Variants in FAF1 observed in about 807,000 individuals in gnomAD.
FAF1 encodes the protein Fas associated factor 1, also known as FAS-associated factor 1.
A neutral mutation model predicts 92.5 loss-of-function variants in FAF1; 25 were observed. The observed-to-expected ratio is 0.27, with a 90% confidence interval of 0.20 to 0.38. The LOEUF is 0.38. Ranked by LOEUF, FAF1 falls within the 10% of genes least tolerant of loss-of-function variation. FAF1 has a pLI of 1.00. For synonymous variants in FAF1, 234 were observed against 273.2 expected (o/e 0.86, Z 1.42); for missense variants, 636 against 793.3 (o/e 0.80, Z 2.38).
At position 50,692,241 on chromosome 1, in the gene FAF1, C is replaced by CTCTGTGTG. The variant is rs1403550926; in HGVS notation, c.657+13544_657+13545insCACACAGA. Among the ~76,000 whole-genome samples the CTCTGTGTG allele has an allele frequency of 2.5e-3, 328 of 129,074 alleles. 1 individual carries two copies. Among genetic ancestry groups the CTCTGTGTG allele is most frequent in the African/African-American group, 9.1e-3 (316 of 34,690 alleles). 84.7% of individuals were successfully genotyped at this position (129,074 alleles called of 152,430 possible). ...ACATATCCAGCACTTGAAGTATTTA[C>CTCTGTGTG]TGTGTGTGTGTGTGTGTGTGTGTGT... On this transcript the variant is annotated intron_variant, in intron 7 of 18. Transcript: ENST00000396153.
At chr1:50,802,664 TA>T (rs1370276946) in intron 2 of FAF1, among the ~76,000 whole-genome samples, 1 of 152,148 alleles carries the variant, frequency 6.6e-6, no homozygotes, top group East Asian at 1.9e-4. Context: ...TACTGCAGGG[TA>T]ACAGAGAATA....
chr1:50,574,554 C>G (rs1650620768), intron 12 of FAF1, among the ~76,000 whole-genome samples: 1 of 152,284 alleles, frequency 6.6e-6, no homozygotes, highest in African/African-American at 2.4e-5. Flanking sequence ...GCCTGTTAAA[C>G]AAGCATGACA....
chr1:50,614,136 C>G (rs1434873699), intron 8 of FAF1, among the ~76,000 whole-genome samples: 3 of 151,548 alleles, frequency 2.0e-5, no homozygotes, highest in Non-Finnish European at 2.9e-5. Flanking sequence ...AACCAAGAGA[C>G]AAAAATGGGA....
At chr1:50,452,709 A>T (rs533831416) in intron 18 of FAF1, among the ~76,000 whole-genome samples, 19 of 152,348 alleles carry the variant, frequency 1.2e-4, no homozygotes, top group Admixed American at 1.2e-3. Context: ...AAGCCTTCTG[A>T]GAGATCCTGA....
intron 2 of FAF1, among the ~76,000 whole-genome samples, chr1:50,835,229 G>A (rs1040230330): frequency 6.6e-6 from 1 of 152,168 alleles, no homozygotes; most frequent in Admixed American, 6.5e-5. Flanking sequence ...CAACAGCACA[G>A]AAGCTTAACT....
chr1:50,805,089 G>A (rs1243247552), intron 2 of FAF1, among the ~76,000 whole-genome samples: 1 of 152,082 alleles, frequency 6.6e-6, no homozygotes, highest in Non-Finnish European at 1.5e-5. Flanking sequence ...CTCTATAATA[G>A]GAAAATGATA....
chr1:50,587,967 T>C (rs1483436384), intron 9 of FAF1, among the ~76,000 whole-genome samples: 1 of 152,180 alleles, frequency 6.6e-6, no homozygotes, highest in Non-Finnish European at 1.5e-5. Context: ...ACCAACTACC[T>C]ATTATGTCAA....
chr1:50,548,841 G>A (rs1336845041), intron 13 of FAF1, among the ~76,000 whole-genome samples: 1 of 152,234 alleles, frequency 6.6e-6, no homozygotes, highest in Middle Eastern at 3.2e-3. Flanking sequence ...AAAGACTATG[G>A]AGTCGAACAA....
intron 18 of FAF1, among the ~76,000 whole-genome samples, chr1:50,442,995 C>A (rs1646187502): frequency 6.6e-6 from 1 of 152,164 alleles, no homozygotes; most frequent in Non-Finnish European, 1.5e-5. Flanking sequence ...GAGGGGCAAG[C>A]TGCTGGCAAA....
intron 1 of FAF1, among the ~76,000 whole-genome samples, chr1:50,918,590 CATT>C (rs1306879796): frequency 5.3e-5 from 2 of 37,596 alleles, no homozygotes; most frequent in Non-Finnish European, 1.0e-4. Context: ...TCCAGTCTAT[CATT>C]GTTGGACATT....
In FAF1 at chr1:50,531,217, A is replaced by G. The variant is rs916731020; in HGVS notation, c.1494+4152T>C. On this transcript the variant is annotated intron_variant, in intron 15 of 18. Transcript: ENST00000396153. ...CTTGAAATCTGCCCTGATCTCCAAC[A>G]TCTGGATTGTGATAATTACCGAGCT... 5.3e-5 allele frequency among the ~76,000 whole-genome samples: 8 copies of G among 152,178 alleles called. No individual in the cohort carries two copies. In the South Asian group the frequency reaches 1.2e-3, roughly 24 times the overall value.
intron 2 of FAF1, among the ~76,000 whole-genome samples, chr1:50,826,424 C>T (rs1644098541): frequency 1.3e-5 from 2 of 152,096 alleles, no homozygotes; most frequent in African/African-American, 4.8e-5. Flanking sequence ...GTGGCACACA[C>T]CTGTCATCCC....
chr1:50,531,618 T>G lies in FAF1; in HGVS notation c.1494+3751A>C, dbSNP rs983356500. 2.6e-5 allele frequency among the ~76,000 whole-genome samples: 4 copies of G among 152,160 alleles called. No individual in the cohort carries two copies. The South Asian group carries it at 8.3e-4, about 32-fold the overall frequency. On this transcript the variant is annotated intron_variant, in intron 15 of 18. Coordinates refer to ENST00000396153, the MANE Select transcript of FAF1 (RefSeq NM_007051.3). ...GTCCCAAGGACCTCATCCAGTGATA[T>G]GTACTTGGTAGGTACTTTGTAAACC...
chr1:50,678,825 G>A (rs1388979553), intron 7 of FAF1, among the ~76,000 whole-genome samples: 1 of 124,596 alleles, frequency 8.0e-6, no homozygotes, highest in Admixed American at 9.6e-5. Flanking sequence ...GGTGGCTCAC[G>A]CCTGTAATCC....
intron 5 of FAF1, among the ~76,000 whole-genome samples, chr1:50,740,027 A>AT (rs5774092): frequency 0.47 from 71,498 of 151,920 alleles, 19,062 homozygotes; most frequent in African/African-American, 0.72. Context: ...AAATGCACTT[A>AT]TCAACAGATA....
chr1:50,713,939 T>A (rs1009730187), intron 6 of FAF1, among the ~76,000 whole-genome samples: 5 of 151,058 alleles, frequency 3.3e-5, no homozygotes, highest in African/African-American at 1.2e-4. Flanking sequence ...CCCAGCTAAT[T>A]TTTTTGTATT....
intron 18 of FAF1, among the ~76,000 whole-genome samples, chr1:50,453,991 A>G (rs1394515231): frequency 2.0e-5 from 3 of 152,216 alleles, no homozygotes; most frequent in African/African-American, 7.2e-5. Context: ...GTCCTCTGAG[A>G]TTCCTTGTCT....
chr1:50,930,374 C>A (rs1186378502), intron 1 of FAF1, among the ~76,000 whole-genome samples: 1 of 152,076 alleles, frequency 6.6e-6, no homozygotes, highest in Admixed American at 6.6e-5. Context: ...TGGCAGGAAA[C>A]AATGTGTAGT....
chr1:50,547,363 A>G (rs1288176542), intron 13 of FAF1, among the ~76,000 whole-genome samples: 3 of 152,170 alleles, frequency 2.0e-5, no homozygotes, highest in Admixed American at 1.3e-4. Flanking sequence ...CAGTAATAGT[A>G]AACTGTTAAA....
Sources: allele counts gnomAD v4.1 joint callset (sites outside exome capture counted in the v4.1 genomes callset), GRCh38; gene constraint gnomAD v4.1.1; transcripts MANE v1.5; gene names NCBI Gene and HGNC (gene_info 2026-07-23, HGNC 2026-07-21).